Variants in KCNK9 observed in about 807,000 individuals in gnomAD.
The protein encoded by KCNK9 is potassium channel subfamily K member 9.
Under a neutral mutation model 10.8 loss-of-function variants are expected in KCNK9, and 1 was observed. That is an observed-to-expected ratio of 0.09 (90% CI 0.03 to 0.44). KCNK9 has a LOEUF of 0.44. Ranked by LOEUF, KCNK9 falls within the 20% of genes least tolerant of loss-of-function variation. The pLI is 0.97. For missense variants in KCNK9, 303 were observed against 515.0 expected (o/e 0.59, Z 3.98); for synonymous variants, 231 against 222.7 (o/e 1.04, Z -0.33).
At chr8:139,631,163 CTT>C (rs1201810037) in intron 1 of KCNK9, among the ~76,000 whole-genome samples, 1 of 152,248 alleles carries the variant, frequency 6.6e-6, no homozygotes, top group African/African-American at 2.4e-5. Context: ...AGTCGCTAAT[CTT>C]TCTTTCTCAT....
At chr8:139,608,793 T>C (rs1194319261), downstream of KCNK9, among the ~76,000 whole-genome samples, 1 of 152,212 alleles carries the variant, frequency 6.6e-6, no homozygotes, top group African/African-American at 2.4e-5. Flanking sequence ...AGAGAAAAGA[T>C]GGACAAAGCT....
chr8:139,628,382 T>C (rs1815044431), intron 1 of KCNK9, among the ~76,000 whole-genome samples: 1 of 152,242 alleles, frequency 6.6e-6, no homozygotes, highest in Admixed American at 6.5e-5. Context: ...CCCCATACCC[T>C]GGCAAACACG....
In KCNK9 at chr8:139,702,986, T is replaced by G; in HGVS notation, c.7A>C (p.Arg3=). 1 of 1,575,812 alleles carries G rather than the reference T, an allele frequency of 6.3e-7. No homozygotes were observed. Among genetic ancestry groups the G allele is most frequent in the Non-Finnish European group, 8.6e-7 (1 of 1,162,802 alleles). Residue 3 remains arginine, a synonymous_variant, in exon 1 of 2, where the codon AGG becomes CGG. Coordinates refer to ENST00000520439, the MANE Select transcript of KCNK9 (RefSeq NM_001282534.2). The surrounding 1 kb of genome is among the most constrained non-coding windows in gnomAD (Gnocchi z 7.5). MK[R]QNVRTLSLIV... Reference sequence around the variant, plus strand: ...AGGGACAGAGTCCGCACGTTCTGCCTCTTCATGGCCGCCAGCAAGGAGCCG... The same window carrying G: ...AGGGACAGAGTCCGCACGTTCTGCCGCTTCATGGCCGCCAGCAAGGAGCCG...
rs144057281 is a variant in KCNK9, at chr8:139,643,093, A to G, written c.284-23994T>C. 2.0e-5 allele frequency among the ~76,000 whole-genome samples: 3 copies of G among 152,240 alleles called. No homozygotes were observed. In the East Asian group the frequency reaches 5.8e-4, roughly 29 times the overall value. On this transcript the variant is annotated intron_variant, in intron 1 of 1. Transcript: ENST00000520439. ...CCTGACCCCCTTGGCCAGGCAAGGA[A>G]TAAACCAGCCTGCAAAGGACGTGGG...
At position 139,688,442 on chromosome 8, in the gene KCNK9, G is replaced by C. The variant is rs116639829; in HGVS notation, c.283+14268C>G. Among the ~76,000 whole-genome samples the C allele has an allele frequency of 6.6e-3, 1,000 of 152,326 alleles. 17 individuals carry two copies. The highest frequency in any genetic ancestry group is 0.023 in the African/African-American group (956 of 41,582). On this transcript the variant is annotated intron_variant, in intron 1 of 1. Coordinates refer to ENST00000520439, the MANE Select transcript of KCNK9 (RefSeq NM_001282534.2). ...GGCAGAAAAGAGTGAGTGCAAGAACGAGGAAGTGCCACACTTTAAAACCAT... is the reference window on the plus strand; with the variant it reads ...GGCAGAAAAGAGTGAGTGCAAGAACCAGGAAGTGCCACACTTTAAAACCAT...
At chr8:139,658,880 T>A (rs1018645707) in intron 1 of KCNK9, among the ~76,000 whole-genome samples, 1 of 152,230 alleles carries the variant, frequency 6.6e-6, no homozygotes, top group African/African-American at 2.4e-5. Flanking sequence ...AGAGTCCACC[T>A]GCCTCAGGCA....
intron 1 of KCNK9, among the ~76,000 whole-genome samples, chr8:139,660,252 G>A (rs1021086421): frequency 6.6e-6 from 1 of 152,112 alleles, no homozygotes; most frequent in Admixed American, 6.5e-5. Flanking sequence ...GCAAAAGCCT[G>A]TATAACAGCC....
At chr8:139,699,238 T>A (rs551627500) in intron 1 of KCNK9, among the ~76,000 whole-genome samples, 18 of 152,264 alleles carry the variant, frequency 1.2e-4, no homozygotes, top group Middle Eastern at 6.8e-3. Context: ...AGACTCTAAC[T>A]CTGTTGGATC....
chr8:139,625,519 C>T (rs1173579049), intron 1 of KCNK9, among the ~76,000 whole-genome samples: 1 of 152,252 alleles, frequency 6.6e-6, no homozygotes, highest in Non-Finnish European at 1.5e-5. Context: ...TGACTTCCAT[C>T]TTCCCAGGCC....
rs55905336 is a variant in KCNK9 at position 139,674,288 on chromosome 8, A to G, written c.283+28422T>C. Among the ~76,000 whole-genome samples, 918 of 152,264 alleles carry G rather than the reference A, an allele frequency of 6.0e-3. 9 individuals are homozygous for G. Among genetic ancestry groups the G allele is most frequent in the African/African-American group, 0.02 (843 of 41,554 alleles). On this transcript the variant is annotated intron_variant, in intron 1 of 1. Transcript: ENST00000520439. ...TTTCCGCTGTCTGCCATGCGAGGATACAGCAGGAGGGCTGCATGTACAGCC... is the reference window on the plus strand; with the variant it reads ...TTTCCGCTGTCTGCCATGCGAGGATGCAGCAGGAGGGCTGCATGTACAGCC...
At chr8:139,615,521 T>A (rs1814561407), downstream of KCNK9, among the ~76,000 whole-genome samples, 1 of 152,068 alleles carries the variant, frequency 6.6e-6, no homozygotes, top group Non-Finnish European at 1.5e-5. Flanking sequence ...AGATGGACCA[T>A]CTGAGCAAAA....
At chr8:139,625,083 G>T (rs1814925481) in intron 1 of KCNK9, among the ~76,000 whole-genome samples, 1 of 152,016 alleles carries the variant, frequency 6.6e-6, no homozygotes, top group African/African-American at 2.4e-5. Flanking sequence ...AAATTCATGG[G>T]TCCCCTCACC....
At position 139,619,035 on chromosome 8, in the gene KCNK9, C is replaced by A. The variant is rs769219929; in HGVS notation, c.348G>T (p.Leu116=). The change falls in exon 2 of 2, where the codon CTG becomes CTT. Residue 116 remains leucine (L), a synonymous_variant. Coordinates refer to ENST00000520439, the MANE Select transcript of KCNK9 (RefSeq NM_001282534.2). ...ACATGACCAGTGTCAGCGGGATGCC[C>A]AGCACGGCGTAGAACATGCAGAAGG... ...GKAFCMFYAV[L]GIPLTLVMFQ... The A allele has an allele frequency of 6.2e-7, 1 of 1,614,204 alleles. No individual in the cohort carries two copies.
chr8:139,690,182 A>T (rs946038653), intron 1 of KCNK9, among the ~76,000 whole-genome samples: 4 of 152,246 alleles, frequency 2.6e-5, no homozygotes, highest in African/African-American at 7.2e-5. Flanking sequence ...CTCTGAAGTC[A>T]GACTTCCCGG....
Position 139,618,672 on chromosome 8 carries a change from G to A in KCNK9, c.711C>T (p.Ala237=), listed in dbSNP as rs1431549818. ...ACCTGAGGACGACCAGGTTGAGGAA[G>A]GCCCCGATGACCGTCAGCCCCACCA... ...YILVGLTVIG[A]FLNLVVLRFL... The change falls in exon 2 of 2, where the codon GCC becomes GCT. Residue 237 remains alanine, a synonymous_variant. Transcript: ENST00000520439. This position sits in a 1 kb window ranked among gnomAD's most constrained non-coding sequence, Gnocchi z 7.9. The A allele has an allele frequency of 3.7e-6, 6 of 1,614,104 alleles. No homozygotes were observed. Among genetic ancestry groups the A allele is most frequent in the Admixed American group, 1.7e-5 (1 of 60,008 alleles).
downstream of KCNK9, chr8:139,612,621 G>C (rs28662157): frequency 2.0e-5 from 3 of 152,192 alleles, no homozygotes; most frequent in Middle Eastern, 3.2e-3. Flanking sequence ...GTTCGGCTTT[G>C]GCAGTGAGAC....
Position 139,617,977 on chromosome 8 carries a change from G to C in KCNK9, c.*281C>G, listed in dbSNP as rs962577813. 1.4e-5 allele frequency: 6 copies of C among 442,380 alleles called. No homozygotes were observed. The highest frequency in any genetic ancestry group is 4.0e-5 in the African/African-American group (2 of 50,070). 27.4% of individuals were successfully genotyped at this position (442,380 alleles called of 1,614,324 possible). Reference sequence around the variant, plus strand: ...AGAGATGATGGGGTGGGTGGGGTGAGAAATGTAAGGCATAGTCTGCTGGGA... The same window carrying C: ...AGAGATGATGGGGTGGGTGGGGTGACAAATGTAAGGCATAGTCTGCTGGGA... On this transcript the variant is annotated 3_prime_UTR_variant, in exon 2 of 2. Coordinates refer to ENST00000520439, the MANE Select transcript of KCNK9 (RefSeq NM_001282534.2).
At chr8:139,670,735 C>T (rs763768713) in intron 1 of KCNK9, among the ~76,000 whole-genome samples, 5 of 152,194 alleles carry the variant, frequency 3.3e-5, no homozygotes, top group Non-Finnish European at 7.3e-5. Flanking sequence ...GAGATCAGAT[C>T]TTTTTTAACT....
chr8:139,608,993 C>T (rs1398095243), downstream of KCNK9, among the ~76,000 whole-genome samples: 2 of 151,660 alleles, frequency 1.3e-5, no homozygotes, highest in African/African-American at 4.8e-5. Flanking sequence ...GCCCACTGCC[C>T]CCACCCCCGC....
Sources: allele counts gnomAD v4.1 joint callset (sites outside exome capture counted in the v4.1 genomes callset), GRCh38; gene constraint gnomAD v4.1.1; non-coding constraint Gnocchi (gnomAD v3.1); transcripts MANE v1.5; gene names NCBI Gene and HGNC (gene_info 2026-07-23, HGNC 2026-07-21).